The following GPC6 variants were observed in gnomAD, a reference collection of about 807,000 sequenced individuals.
GPC6 encodes glypican-6.
Under a neutral mutation model 55.2 loss-of-function variants are expected in GPC6, and 14 were observed. The ratio of observed to expected loss-of-function variants is 0.25; its 90% CI spans 0.17 to 0.40. The LOEUF (loss-of-function observed/expected upper bound fraction) is 0.40, where lower values mean the gene tolerates loss of function less well. Ranked by LOEUF, GPC6 falls within the 10% of genes least tolerant of loss-of-function variation. The pLI is 1.00. For synonymous variants in GPC6, 278 were observed against 259.6 expected (o/e 1.07, Z -0.68); for missense variants, 641 against 708.5 (o/e 0.90, Z 1.08).
rs17195890 is a variant in GPC6, at chr13:94,029,033, G to T, written c.877+1139G>T. 2.6e-5 allele frequency among the ~76,000 whole-genome samples: 4 copies of T among 152,114 alleles called. No homozygotes were observed. In the South Asian group the frequency reaches 6.2e-4, roughly 24 times the overall value. ...CATTTGTCAGCCTCTGAGGGCCTTCGTCATTTATGCAAACCTCTAAACGAG... is the reference window on the plus strand; with the variant it reads ...CATTTGTCAGCCTCTGAGGGCCTTCTTCATTTATGCAAACCTCTAAACGAG... On this transcript the variant is annotated intron_variant, in intron 4 of 8. Coordinates refer to ENST00000377047, the MANE Select transcript of GPC6 (RefSeq NM_005708.5).
intron 1 of GPC6, among the ~76,000 whole-genome samples, chr13:93,333,531 ATT>A (rs35057548): frequency 5.0e-4 from 65 of 130,558 alleles, no homozygotes; most frequent in East Asian, 2.3e-3. Context: ...ATGCTATTGA[ATT>A]TTTTTTTTTT....
chr13:93,977,467 GGTGTGTGTGTGTGTGTGTGTGTGTGTGT>G (rs4001797), intron 3 of GPC6, among the ~76,000 whole-genome samples: 6 of 137,374 alleles, frequency 4.4e-5, no homozygotes, highest in Non-Finnish European at 9.4e-5. Context: ...GATGACAAGG[GGTGTGTGTGTGTGTGTGTGTGTGTGTGT>G]GTGTGTGTGT....
At chr13:94,119,676 A>T (rs867606786) in intron 4 of GPC6, among the ~76,000 whole-genome samples, 5 of 152,128 alleles carry the variant, frequency 3.3e-5, no homozygotes, top group Admixed American at 1.3e-4. Flanking sequence ...CCTTGCAAGG[A>T]CACCAGTGTG....
At chr13:93,943,333 CAG>C (rs941955030) in intron 3 of GPC6, among the ~76,000 whole-genome samples, 8 of 152,234 alleles carry the variant, frequency 5.3e-5, no homozygotes, top group African/African-American at 1.9e-4. Flanking sequence ...AATGGCTCAA[CAG>C]AGTGGCTTAA....
At chr13:93,380,680 G>T (rs531474707) in intron 1 of GPC6, among the ~76,000 whole-genome samples, 6 of 152,222 alleles carry the variant, frequency 3.9e-5, no homozygotes, top group African/African-American at 1.2e-4. Context: ...GAACTGGGGT[G>T]CCACTGTCAT....
intron 2 of GPC6, among the ~76,000 whole-genome samples, chr13:93,566,045 C>T (rs560452774): frequency 3.4e-4 from 52 of 151,962 alleles, no homozygotes; most frequent in African/African-American, 1.2e-3. Context: ...TTTGATGATA[C>T]GTGGCCTTAT....
intron 2 of GPC6, among the ~76,000 whole-genome samples, chr13:93,767,455 C>T (rs1488491166): frequency 1.3e-5 from 2 of 152,082 alleles, no homozygotes; most frequent in East Asian, 1.9e-4. Flanking sequence ...TCTATTGCCT[C>T]AGAGTAAAAA....
intron 2 of GPC6, among the ~76,000 whole-genome samples, chr13:93,681,345 T>C (rs1292898444): frequency 1.3e-5 from 2 of 152,196 alleles, no homozygotes; most frequent in Non-Finnish European, 2.9e-5. Context: ...TGTATTACTT[T>C]TGATAATTCT....
intron 1 of GPC6, among the ~76,000 whole-genome samples, chr13:93,331,880 A>G (rs948845464): frequency 6.6e-6 from 1 of 151,746 alleles, no homozygotes; most frequent in Non-Finnish European, 1.5e-5. Context: ...ACTCTCCCCA[A>G]CCTCTGGTAA....
chr13:93,905,537 A>G (rs1186876442), intron 3 of GPC6, among the ~76,000 whole-genome samples: 1 of 152,226 alleles, frequency 6.6e-6, no homozygotes, highest in Non-Finnish European at 1.5e-5. Flanking sequence ...CTCTCAGGTC[A>G]AATGCCTTAT....
At chr13:93,390,448 G>A (rs1875580300) in intron 1 of GPC6, among the ~76,000 whole-genome samples, 1 of 152,086 alleles carries the variant, frequency 6.6e-6, no homozygotes, top group Admixed American at 6.6e-5. Flanking sequence ...TCAATATAGT[G>A]TACTCTAGAG....
intron 1 of GPC6, among the ~76,000 whole-genome samples, chr13:93,308,795 A>G (rs898288935): frequency 6.6e-6 from 1 of 152,246 alleles, no homozygotes; most frequent in African/African-American, 2.4e-5. Context: ...GACTGCATTT[A>G]TAATCTTAAT....
chr13:93,931,737 C>A (rs1878187020), intron 3 of GPC6, among the ~76,000 whole-genome samples: 2 of 141,542 alleles, frequency 1.4e-5, no homozygotes, highest in Admixed American at 7.3e-5. Flanking sequence ...GCACTCCAGC[C>A]TGGGAGACAG....
At chr13:93,625,305 G>A (rs1233105550) in intron 2 of GPC6, among the ~76,000 whole-genome samples, 2 of 152,102 alleles carry the variant, frequency 1.3e-5, no homozygotes, top group African/African-American at 4.8e-5. Context: ...TCAAAATAGG[G>A]ATGTTCAGTC....
chr13:93,659,282 A>C (rs1032812602), intron 2 of GPC6, among the ~76,000 whole-genome samples: 2 of 151,936 alleles, frequency 1.3e-5, no homozygotes, highest in African/African-American at 4.8e-5. Context: ...GACCATGTAA[A>C]GATGGTCTAA....
chr13:93,753,150 T>G (rs1419177779), intron 2 of GPC6, among the ~76,000 whole-genome samples: 8 of 152,210 alleles, frequency 5.3e-5, no homozygotes, highest in Admixed American at 2.0e-4. Flanking sequence ...TCCTCATGAT[T>G]GACACAGTAA....
intron 1 of GPC6, among the ~76,000 whole-genome samples, chr13:93,471,276 A>C (rs1255671649): frequency 6.6e-6 from 1 of 150,610 alleles, no homozygotes; most frequent in Admixed American, 6.6e-5. Context: ...GCACTTTGGG[A>C]GGCCAAGGCA....
At position 94,264,455 on chromosome 13, in the gene GPC6, A is replaced by C. The variant is rs1178297402; in HGVS notation, c.878-21894A>C. Among the ~76,000 whole-genome samples the C allele has an allele frequency of 2.0e-5, 3 of 152,172 alleles. No individual in the cohort carries two copies. The East Asian group carries it at 5.8e-4, about 29-fold the overall frequency. ...CCATCTATGCATTTGCTATGCACAC[A>C]AGGATCTGAAGTCCTCTCATCCTTT... On this transcript the variant is annotated intron_variant, in intron 4 of 8. Coordinates refer to ENST00000377047, the MANE Select transcript of GPC6 (RefSeq NM_005708.5).
intron 4 of GPC6, among the ~76,000 whole-genome samples, chr13:94,118,811 T>C (rs1886524282): frequency 6.6e-6 from 1 of 152,100 alleles, no homozygotes; most frequent in Admixed American, 6.6e-5. Flanking sequence ...CATATGTTGT[T>C]CTAGCAGAAA....
Sources: gnomAD v4.1 joint callset for allele counts (sites outside exome capture counted in the v4.1 genomes callset) on GRCh38, gnomAD v4.1.1 for gene constraint, MANE v1.5 for transcripts, NCBI Gene and HGNC (gene_info 2026-07-23, HGNC 2026-07-21) for gene names.